The following FAM153A variants were observed in gnomAD, a reference collection of about 807,000 sequenced individuals.
FAM153A encodes family with sequence similarity 153 member A.
A neutral mutation model predicts 48.1 loss-of-function variants in FAM153A; 12 were observed. The ratio of observed to expected loss-of-function variants is 0.25; its 90% confidence interval spans 0.16 to 0.40. The LOEUF (loss-of-function observed/expected upper bound fraction) is 0.40. Ranked by LOEUF, FAM153A falls within the 10% of genes least tolerant of loss-of-function variation. The probability of loss-of-function intolerance (pLI) is 1.00; values close to 1 mark genes in which losing one functional copy is unlikely to be tolerated. For synonymous variants in FAM153A, 36 were observed against 118.2 expected, an observed-to-expected ratio of 0.30 and a Z score of 4.51; for missense variants, 111 against 345.8, an observed-to-expected ratio of 0.32 and a Z score of 5.38.
At chr5:177,782,320 C>T (rs376066678), upstream of FAM153A, 36,359 of 143,916 alleles carry the variant, frequency 0.25, 953 homozygotes, top group East Asian at 0.45. Context: ...GGGCTGAGCC[C>T]CCACCCCACT....
chr5:177,707,268 T>TA (rs1757955412), downstream of FAM153A, among the ~76,000 whole-genome samples: 1 of 151,932 alleles, frequency 6.6e-6, no homozygotes, highest in Admixed American at 6.5e-5. Context: ...TTCTCCAGGA[T>TA]AGACCACATT....
At chr5:177,760,234 CCTTTTT>C (rs1404196211) in intron 1 of FAM153A, among the ~76,000 whole-genome samples, 12 of 96,860 alleles carry the variant, frequency 1.2e-4, no homozygotes, top group Non-Finnish European at 2.0e-4. Context: ...TTGGGAAAGA[CCTTTTT>C]TTTTTTTTTT....
In FAM153A at chr5:177,729,556, C is replaced by G. The variant is rs147363353; in HGVS notation, c.863-1G>C. 6.2e-6 allele frequency: 10 copies of G among 1,608,926 alleles called. No individual in the cohort carries two copies. In the African/African-American group the frequency reaches 1.4e-4, roughly 22 times the overall value. ...TGCTCCTCCAGGTCTTCCAGGTCAC[C>G]TAGGAAACAGAGTCGCTATAAGCAC... On this transcript the variant is annotated splice_acceptor_variant, in intron 16 of 20. Coordinates refer to ENST00000614127, the Ensembl canonical transcript of FAM153A. LOFTEE classifies it high-confidence loss of function.
the FAM153A span, among the ~76,000 whole-genome samples, chr5:177,700,743 A>G: frequency 1.3e-5 from 2 of 151,890 alleles, no homozygotes; most frequent in Non-Finnish European, 2.9e-5. Flanking sequence ...CGGAGGTTAC[A>G]GTGAGCCAAG....
intron 1 of FAM153A, among the ~76,000 whole-genome samples, chr5:177,761,203 G>A (rs1368593134): frequency 1.0e-3 from 152 of 150,798 alleles, no homozygotes; most frequent in African/African-American, 3.6e-3. Flanking sequence ...GATAATGGGC[G>A]CTCCTGCTCA....
At chr5:177,781,405 G>A (rs533742522), upstream of FAM153A, among the ~76,000 whole-genome samples, 155 of 135,680 alleles carry the variant, frequency 1.1e-3, 4 homozygotes, top group Admixed American at 2.0e-3. Context: ...ACAGGCCTGA[G>A]CCACCGCGCC....
chr5:177,710,461 CAGT>C (rs1758311815), downstream of FAM153A, among the ~76,000 whole-genome samples: 1 of 151,760 alleles, frequency 6.6e-6, no homozygotes, highest in South Asian at 2.1e-4. Flanking sequence ...GTTTTCTTAA[CAGT>C]AGCAGCTATT....
intron 10 of FAM153A, 145 bp from the exon 13 acceptor site, chr5:177,737,257 G>A (rs1764813335): frequency 6.3e-6 from 10 of 1,581,046 alleles, no homozygotes; most frequent in Non-Finnish European, 8.6e-6. Context: ...CCTCCATGGT[G>A]GAGGGAAGGC....
chr5:177,714,391 A>C (rs1759179833), intron 25 of FAM153A, among the ~76,000 whole-genome samples: 1 of 151,776 alleles, frequency 6.6e-6, no homozygotes, highest in African/African-American at 2.4e-5. Context: ...GTTGATGCTA[A>C]TTGGAAAAGA....
chr5:177,709,677 T>TG (rs1224328761), downstream of FAM153A, among the ~76,000 whole-genome samples: 2 of 142,484 alleles, frequency 1.4e-5, no homozygotes, highest in Admixed American at 7.0e-5. Flanking sequence ...TTTTTTTGTT[T>TG]TTTTTTTTTT....
rs1453924824 is a variant in FAM153A at position 177,743,206 on chromosome 5, G to GT, written c.364+1187dup. On this transcript the variant is annotated intron_variant, in intron 6 of 20. Coordinates refer to ENST00000614127, the Ensembl canonical transcript of FAM153A. ...CATTCACTTGTTTTTTTTTTGTTTT[G>GT]TTTTTTTTTTTTTTGCAACAGCCTT... Among the ~76,000 whole-genome samples, 42 of 65,632 alleles carry GT rather than the reference G, an allele frequency of 6.4e-4. No homozygotes were observed. The South Asian group carries it at 8.4e-3, about 13-fold the overall frequency. 43.1% of individuals were successfully genotyped at this position (65,632 alleles called of 152,430 possible). A position where few individuals can be genotyped will look rare whatever the true frequency, so the allele number is the denominator to read the frequency against.
chr5:177,759,443 C>T (rs11950536), intron 1 of FAM153A, among the ~76,000 whole-genome samples: 58,908 of 151,422 alleles, frequency 0.39, 12,836 homozygotes, highest in East Asian at 0.56. Context: ...AAATACCATT[C>T]GACCCAGCCA....
downstream of FAM153A, among the ~76,000 whole-genome samples, chr5:177,704,908 C>T (rs994359524): frequency 4.6e-5 from 7 of 150,678 alleles, no homozygotes; most frequent in African/African-American, 9.9e-5. Context: ...GGCTGAGGCA[C>T]GAGAGTTGCT....
chr5:177,778,954 T>G lies in FAM153A; in HGVS notation c.-57+1495A>C, dbSNP rs1769441569. On this transcript the variant is annotated intron_variant, in intron 1 of 8. Transcript: ENST00000393518. ...ACTGTACCACTGAATAGACACCATATTCTAGCCTGGGCAACATAGAGAGAG... is the reference window on the plus strand; with the variant it reads ...ACTGTACCACTGAATAGACACCATAGTCTAGCCTGGGCAACATAGAGAGAG... 3.6e-5 allele frequency among the ~76,000 whole-genome samples: 4 copies of G among 110,274 alleles called. 1 individual carries two copies. In the Middle Eastern group the frequency reaches 0.015, roughly 405 times the overall value. The allele number at this position is 110,274 out of a possible 152,430, so 72.3% of individuals were successfully genotyped here. A position where few individuals can be genotyped will look rare whatever the true frequency, so the allele number is the denominator to read the frequency against.
At chr5:177,708,867 G>T (rs1435194829), downstream of FAM153A, among the ~76,000 whole-genome samples, 1 of 151,618 alleles carries the variant, frequency 6.6e-6, no homozygotes, top group Admixed American at 6.6e-5. Context: ...AGCCCAGGCA[G>T]GTGGATCACA....
upstream of FAM153A, among the ~76,000 whole-genome samples, chr5:177,757,938 C>T (rs1302108794): frequency 2.0e-5 from 3 of 151,850 alleles, no homozygotes; most frequent in Non-Finnish European, 4.4e-5. Context: ...TGCCCTCTCT[C>T]ACCACTCCTC....
intron 1 of FAM153A, 82 bp from the exon 3 acceptor site, chr5:177,767,262 CA>C (rs1450964991): frequency 4.5e-5 from 1 of 22,012 alleles, no homozygotes; most frequent in Non-Finnish European, 8.4e-5. Context: ...CACAGTGATA[CA>C]TGCCTGTATT....
chr5:177,737,617 T>C (rs534538958), intron 10 of FAM153A, among the ~76,000 whole-genome samples: 4 of 151,432 alleles, frequency 2.6e-5, no homozygotes, highest in African/African-American at 9.8e-5. Context: ...GCCTCCCAGG[T>C]TCAAGTGATT....
chr5:177,710,353 T>A (rs934928413), downstream of FAM153A, among the ~76,000 whole-genome samples: 11 of 149,976 alleles, frequency 7.3e-5, no homozygotes, highest in East Asian at 2.0e-4. Flanking sequence ...CTCAGGTGAT[T>A]CTCCTATCTT....
Sources: gnomAD v4.1 joint callset for allele counts (sites outside exome capture counted in the v4.1 genomes callset) on GRCh38, gnomAD v4.1.1 for gene constraint, MANE v1.5 for transcripts, NCBI Gene and HGNC (gene_info 2026-07-23, HGNC 2026-07-21) for gene names.